The following CACNA2D3 variants were observed in gnomAD, a reference collection of about 807,000 sequenced individuals.
CACNA2D3 encodes the protein voltage-dependent calcium channel subunit alpha-2/delta-3.
Under a neutral mutation model 160.6 loss-of-function variants are expected in CACNA2D3, and 60 were observed. The observed-to-expected ratio is 0.37, with a 90% CI of 0.30 to 0.46. CACNA2D3 has a LOEUF of 0.46. Ranked by LOEUF, CACNA2D3 falls within the 20% of genes least tolerant of loss-of-function variation. CACNA2D3 has a pLI of 1.00. For synonymous variants in CACNA2D3, 558 were observed against 492.9 expected (o/e 1.13, Z -1.75); for missense variants, 1,205 against 1,365.0 (o/e 0.88, Z 1.85).
At chr3:54,148,037 T>G (rs1700069101) in intron 2 of CACNA2D3, among the ~76,000 whole-genome samples, 1 of 152,216 alleles carries the variant, frequency 6.6e-6, no homozygotes, top group Non-Finnish European at 1.5e-5. Flanking sequence ...GACCTTGTGA[T>G]CCGTCCGCCT....
intron 2 of CACNA2D3, among the ~76,000 whole-genome samples, chr3:54,183,085 C>G (rs544982537): frequency 1.2e-4 from 18 of 152,238 alleles, no homozygotes; most frequent in Middle Eastern, 3.4e-3. Context: ...CATTCCCCCC[C>G]CAAAATATTT....
intron 4 of CACNA2D3, among the ~76,000 whole-genome samples, chr3:54,405,004 A>T (rs1022378310): frequency 2.0e-5 from 3 of 151,464 alleles, no homozygotes; most frequent in African/African-American, 4.9e-5. Context: ...TTGATGAAAG[A>T]AATTGAAGAG....
chr3:55,052,207 T>A (rs751888015), intron 35 of CACNA2D3, among the ~76,000 whole-genome samples: 29 of 152,218 alleles, frequency 1.9e-4, no homozygotes, highest in Non-Finnish European at 2.9e-4. Flanking sequence ...TATTTAAAGC[T>A]GTATCGTTCA....
chr3:54,536,642 C>T (rs771161202), intron 5 of CACNA2D3, among the ~76,000 whole-genome samples: 17 of 152,166 alleles, frequency 1.1e-4, no homozygotes, highest in Non-Finnish European at 2.1e-4. Context: ...GGTAGGTGGC[C>T]AGTGAACAGA....
At chr3:54,434,207 T>C (rs1700029233) in intron 4 of CACNA2D3, among the ~76,000 whole-genome samples, 1 of 152,206 alleles carries the variant, frequency 6.6e-6, no homozygotes. Flanking sequence ...AACAAGGCAA[T>C]GCAAGTTGGG....
chr3:54,550,204 G>A (rs1366533566), intron 5 of CACNA2D3, among the ~76,000 whole-genome samples: 1 of 152,158 alleles, frequency 6.6e-6, no homozygotes, highest in African/African-American at 2.4e-5. Flanking sequence ...TAGGACAAAC[G>A]CCAAGGGTTA....
chr3:54,394,713 T>C (rs1326833242), intron 4 of CACNA2D3, among the ~76,000 whole-genome samples: 2 of 100,544 alleles, frequency 2.0e-5, no homozygotes, highest in Non-Finnish European at 2.0e-5. Context: ...CAGTCTATCA[T>C]TGTTGGACAT....
chr3:54,500,812 A>G (rs1189364401), intron 4 of CACNA2D3, among the ~76,000 whole-genome samples: 1 of 152,186 alleles, frequency 6.6e-6, no homozygotes, highest in Non-Finnish European at 1.5e-5. Flanking sequence ...CTTCATCTGT[A>G]GTGCAGGTAT....
At chr3:54,473,963 G>C (rs779945342) in intron 4 of CACNA2D3, among the ~76,000 whole-genome samples, 1 of 152,204 alleles carries the variant, frequency 6.6e-6, no homozygotes, top group Non-Finnish European at 1.5e-5. Flanking sequence ...GTGTAAATTA[G>C]TTCAACCATT....
At chr3:54,327,646 A>G (rs745597298) in intron 3 of CACNA2D3, among the ~76,000 whole-genome samples, 12 of 152,206 alleles carry the variant, frequency 7.9e-5, no homozygotes, top group Non-Finnish European at 1.6e-4. Context: ...TATAAAAGTA[A>G]TACATATTCA....
chr3:54,939,916 G>T (rs929075308), intron 27 of CACNA2D3, among the ~76,000 whole-genome samples: 2 of 152,242 alleles, frequency 1.3e-5, no homozygotes, highest in Non-Finnish European at 2.9e-5. Flanking sequence ...TGCCCTGGAA[G>T]AAAGTGGAAG....
At chr3:54,230,711 A>G (rs1291814521) in intron 2 of CACNA2D3, among the ~76,000 whole-genome samples, 1 of 152,232 alleles carries the variant, frequency 6.6e-6, no homozygotes, top group African/African-American at 2.4e-5. Flanking sequence ...ACAGTCTTAT[A>G]AAATTCCTTC....
At chr3:54,246,707 G>A (rs901871699) in intron 2 of CACNA2D3, among the ~76,000 whole-genome samples, 1 of 147,832 alleles carries the variant, frequency 6.8e-6, no homozygotes, top group African/African-American at 2.7e-5. Context: ...CTGGGCAACA[G>A]GAGAGAAACT....
chr3:54,897,254 T>C (rs1176101039), intron 26 of CACNA2D3, among the ~76,000 whole-genome samples: 2 of 152,150 alleles, frequency 1.3e-5, no homozygotes, highest in Non-Finnish European at 2.9e-5. Flanking sequence ...CTGTTCCCCA[T>C]TTGAACTGAA....
intron 27 of CACNA2D3, chr3:54,918,332 CTTTTTT>C (rs533596688): frequency 0.016 from 3,523 of 227,074 alleles, 2 homozygotes; most frequent in Middle Eastern, 0.053. Flanking sequence ...TTTTTTTTTT[CTTTTTT>C]TTTTTTTTTT....
chr3:54,876,467 C>T (rs1330055276), intron 18 of CACNA2D3, among the ~76,000 whole-genome samples: 3 of 152,274 alleles, frequency 2.0e-5, no homozygotes, highest in Non-Finnish European at 2.9e-5. Context: ...ACTTAGAGCT[C>T]GTAGAAGAGT....
chr3:54,193,630 A>G (rs1446557656), intron 2 of CACNA2D3, among the ~76,000 whole-genome samples: 1 of 152,318 alleles, frequency 6.6e-6, no homozygotes, highest in Middle Eastern at 3.4e-3. Context: ...GTGGGTGGCT[A>G]TCTAACCTGG....
intron 27 of CACNA2D3, among the ~76,000 whole-genome samples, chr3:54,933,760 CT>C (rs34842038): frequency 0.037 from 5,197 of 141,096 alleles, 230 homozygotes; most frequent in African/African-American, 0.12. Context: ...ATTACTATTA[CT>C]TTTTTTTTTT....
At chr3:54,373,693 G>A (rs909939471) in intron 3 of CACNA2D3, among the ~76,000 whole-genome samples, 3 of 152,168 alleles carry the variant, frequency 2.0e-5, no homozygotes, top group Admixed American at 1.3e-4. Flanking sequence ...TTAAGTTTAA[G>A]CCTCCTTTGA....
Sources: gnomAD v4.1 joint callset for allele counts (sites outside exome capture counted in the v4.1 genomes callset) on GRCh38, gnomAD v4.1.1 for gene constraint, MANE v1.5 for transcripts, NCBI Gene and HGNC (gene_info 2026-07-23, HGNC 2026-07-21) for gene names.